Variants in TRIM9 observed in about 807,000 individuals in gnomAD.
TRIM9 encodes the protein E3 ubiquitin-protein ligase TRIM9.
Under a neutral mutation model 78.3 loss-of-function variants are expected in TRIM9, and 26 were observed. The observed-to-expected ratio is 0.33, with a 90% CI of 0.24 to 0.46. TRIM9 has a LOEUF of 0.46. TRIM9 is among the 20% of genes least tolerant of loss of function. TRIM9 has a pLI of 1.00. For missense variants in TRIM9, 787 were observed against 1,036.4 expected, an observed-to-expected ratio of 0.76 and a Z score of 3.30; for synonymous variants, 398 against 416.5, an observed-to-expected ratio of 0.96 and a Z score of 0.54.
At chr14:51,060,618 C>T (rs537014888) in intron 1 of TRIM9, among the ~76,000 whole-genome samples, 1 of 152,308 alleles carries the variant, frequency 6.6e-6, no homozygotes, top group African/African-American at 2.4e-5. Flanking sequence ...AGGCGCCTGC[C>T]ACCACGCCCG....
Position 50,986,163 on chromosome 14 carries a change from C to A in TRIM9, c.1604-19G>T. On this transcript the variant is annotated intron_variant, in intron 7 of 12. Transcript: ENST00000684578. ...TCTGTGTCTAAATGTAAGATCAATGCAAACTAGAGATCAGAAGTCTGCTAT... is the reference window on the plus strand; with the variant it reads ...TCTGTGTCTAAATGTAAGATCAATGAAAACTAGAGATCAGAAGTCTGCTAT... 1.4e-6 allele frequency: 2 copies of A among 1,477,740 alleles called. No individual in the cohort carries two copies. Among genetic ancestry groups the A allele is most frequent in the South Asian group, 2.8e-5 (2 of 71,058 alleles). The allele number at this position is 1,477,740 out of a possible 1,614,324, so 91.5% of individuals were successfully genotyped here.
intron 1 of TRIM9, among the ~76,000 whole-genome samples, chr14:51,082,867 T>A (rs1265058553): frequency 6.6e-6 from 1 of 152,232 alleles, no homozygotes; most frequent in East Asian, 1.9e-4. Context: ...GGTTCTCTTC[T>A]GTGCAGTAAT....
At chr14:51,072,459 G>A (rs2062374783) in intron 1 of TRIM9, among the ~76,000 whole-genome samples, 1 of 151,982 alleles carries the variant, frequency 6.6e-6, no homozygotes. Flanking sequence ...AAATAAGACA[G>A]CTTACACAAT....
intron 12 of TRIM9, among the ~76,000 whole-genome samples, chr14:50,978,182 T>C (rs927940380): frequency 1.3e-5 from 2 of 152,208 alleles, no homozygotes; most frequent in Non-Finnish European, 2.9e-5. Flanking sequence ...TTGCAATCAA[T>C]GTTACTGCAC....
chr14:51,029,118 C>T (rs2139843838), intron 1 of TRIM9, among the ~76,000 whole-genome samples: 1 of 152,298 alleles, frequency 6.6e-6, no homozygotes, highest in East Asian at 1.9e-4. Flanking sequence ...CTTTCCATTT[C>T]CCACTGTAAA....
intron 6 of TRIM9, 126 bp downstream of exon 6, chr14:51,000,557 G>A (rs141698653): frequency 7.6e-7 from 1 of 1,317,506 alleles, no homozygotes; most frequent in East Asian, 2.5e-5. Context: ...GTGAAGGGCA[G>A]GCAGGCCCTG....
At chr14:51,079,295 C>A (rs2063089597) in intron 1 of TRIM9, among the ~76,000 whole-genome samples, 1 of 152,128 alleles carries the variant, frequency 6.6e-6, no homozygotes, top group Non-Finnish European at 1.5e-5. Context: ...GGCTAGCCTC[C>A]AAATTGAGTA....
At chr14:51,092,832 C>T in intron 1 of TRIM9, among the ~76,000 whole-genome samples, 1 of 151,908 alleles carries the variant, frequency 6.6e-6, no homozygotes, top group Non-Finnish European at 1.5e-5. Context: ...TATAGCATGC[C>T]ACACAGGGAT....
chr14:51,080,712 C>A (rs1212793331), intron 1 of TRIM9, among the ~76,000 whole-genome samples: 1 of 152,074 alleles, frequency 6.6e-6, no homozygotes, highest in Non-Finnish European at 1.5e-5. Context: ...CTGGAAGTGA[C>A]TTTTTTGAAT....
intron 1 of TRIM9, among the ~76,000 whole-genome samples, chr14:51,087,011 G>T (rs2063817401): frequency 1.3e-5 from 2 of 152,146 alleles, no homozygotes; most frequent in Non-Finnish European, 2.9e-5. Flanking sequence ...ATTAAACACA[G>T]CTGGGGTGGG....
Position 50,985,991 on chromosome 14 carries a change from C to T in TRIM9, c.1757G>A (p.Ser586Asn). Reference sequence around the variant, plus strand: ...GAGAGACTGTAAAGAGGAATGCAAGCTCAGCTGGTGGGGTGAGGATCGGAA... The same window carrying T: ...GAGAGACTGTAAAGAGGAATGCAAGTTCAGCTGGTGGGGTGAGGATCGGAA... ...FDFRSSPHQL[S>N]LHSSLQSLNA... The change falls in exon 8 of 13, where the codon AGC (serine) becomes AAC (asparagine). Residue 586 changes from serine (S) to asparagine (N), a missense_variant. By Grantham distance (46) the Ser-to-Asn change is conservative. Transcript: ENST00000684578. The T allele has an allele frequency of 1.3e-6, 2 of 1,547,012 alleles. No homozygotes were observed. The highest frequency in any genetic ancestry group is 1.7e-6 in the Non-Finnish European group (2 of 1,145,186).
intron 1 of TRIM9, among the ~76,000 whole-genome samples, chr14:51,077,733 C>G (rs1377244477): frequency 2.6e-5 from 4 of 152,176 alleles, no homozygotes; most frequent in African/African-American, 9.7e-5. Context: ...GTTAAATCAA[C>G]ATTCCTGGTG....
At chr14:50,979,741 A>C (rs1274644180) in intron 11 of TRIM9, among the ~76,000 whole-genome samples, 192 bp from the exon 12 acceptor site, 1 of 152,156 alleles carries the variant, frequency 6.6e-6, no homozygotes, top group Non-Finnish European at 1.5e-5. Context: ...TACTGTGTGT[A>C]TATCTGTGTT....
chr14:51,057,357 G>A (rs2060973135), intron 1 of TRIM9, among the ~76,000 whole-genome samples: 1 of 152,120 alleles, frequency 6.6e-6, no homozygotes, highest in African/African-American at 2.4e-5. Context: ...AATTACCAAA[G>A]TAATTTACAG....
chr14:50,986,338 C>A (rs938445675), intron 7 of TRIM9, 194 bp from the exon 8 acceptor site: 2 of 398,046 alleles, frequency 5.0e-6, no homozygotes, highest in Non-Finnish European at 8.8e-6. Flanking sequence ...GGACCCAAGA[C>A]CAGAGGACAC....
At chr14:51,005,225 CT>C (rs1305687513) in intron 5 of TRIM9, among the ~76,000 whole-genome samples, 5 of 152,160 alleles carry the variant, frequency 3.3e-5, no homozygotes, top group African/African-American at 1.2e-4. Flanking sequence ...AGCTTTCCCC[CT>C]ATGATTTATA....
intron 1 of TRIM9, among the ~76,000 whole-genome samples, chr14:51,056,822 A>C (rs1463723880): frequency 6.6e-6 from 1 of 152,184 alleles, no homozygotes; most frequent in Non-Finnish European, 1.5e-5. Flanking sequence ...TTGTCACACA[A>C]ATACAATTTG....
chr14:51,054,589 GT>G (rs935577981), intron 1 of TRIM9, among the ~76,000 whole-genome samples: 6 of 147,134 alleles, frequency 4.1e-5, no homozygotes, highest in Admixed American at 2.7e-4. Flanking sequence ...GCTCTTTTTT[GT>G]TTTTTTTTTA....
At chr14:51,068,310 T>C (rs2061924481) in intron 1 of TRIM9, among the ~76,000 whole-genome samples, 1 of 151,970 alleles carries the variant, frequency 6.6e-6, no homozygotes, top group Non-Finnish European at 1.5e-5. Flanking sequence ...ATAAATAGTA[T>C]ATGTATTTGG....
Sources: gnomAD v4.1 joint callset for allele counts (sites outside exome capture counted in the v4.1 genomes callset) on GRCh38, gnomAD v4.1.1 for gene constraint, MANE v1.5 for transcripts, NCBI Gene and HGNC (gene_info 2026-07-23, HGNC 2026-07-21) for gene names.